The following GTF3C3 variants were observed in gnomAD, a reference collection of about 807,000 sequenced individuals.
GTF3C3 encodes general transcription factor IIIC subunit 3.
A neutral mutation model predicts 105.2 loss-of-function variants in GTF3C3; 75 were observed. That is an observed-to-expected ratio of 0.71 (90% CI 0.59 to 0.86). GTF3C3 has a LOEUF of 0.86. GTF3C3 is among the 40% of genes least tolerant of loss of function. The probability of loss-of-function intolerance (pLI) is 0.00; values close to 1 mark genes in which losing one functional copy is unlikely to be tolerated. For missense variants in GTF3C3, 856 were observed against 1,076.5 expected (o/e 0.80, Z 2.87); for synonymous variants, 335 against 370.4 (o/e 0.90, Z 1.10).
At chr2:196,767,957 G>C (rs1699096510) in intron 16 of GTF3C3, among the ~76,000 whole-genome samples, 1 of 152,096 alleles carries the variant, frequency 6.6e-6, no homozygotes, top group South Asian at 2.1e-4. Flanking sequence ...AGCCAATGTG[G>C]GTAGCCACTT....
At position 196,775,778 on chromosome 2, in the gene GTF3C3, C is replaced by T. The variant is rs80130832; in HGVS notation, c.1695+232G>A. Reference sequence around the variant, plus strand: ...TCCACAGGGCCAATATCTGATAGACCATGGTGCTCACTTTTCTAAATATGT... The same window carrying T: ...TCCACAGGGCCAATATCTGATAGACTATGGTGCTCACTTTTCTAAATATGT... On this transcript the variant is annotated intron_variant, in intron 12 of 17. Transcript: ENST00000263956. Among the ~76,000 whole-genome samples, 1,155 of 152,250 alleles carry T rather than the reference C, an allele frequency of 7.6e-3. 15 individuals are homozygous for T. Among genetic ancestry groups the T allele is most frequent in the African/African-American group, 0.026 (1,084 of 41,552 alleles).
At position 196,783,274 on chromosome 2, in the gene GTF3C3, AGGAGGGAG is replaced by A. The variant is rs982131063; in HGVS notation, c.1114+1575_1114+1582del. On this transcript the variant is annotated intron_variant, in intron 8 of 17. Coordinates refer to ENST00000263956, the MANE Select transcript of GTF3C3 (RefSeq NM_012086.5). The stretch of plus-strand genomic sequence containing the variant: ...TGCCAGGAAGGAAGGGAAGGAGGGA[AGGAGGGAG>A]GGAGGGAGGGAGGGAAGTAAAATAT... Among the ~76,000 whole-genome samples the A allele has an allele frequency of 1.1e-4, 14 of 126,770 alleles. No homozygotes were observed. The East Asian group carries it at 1.9e-3, about 17-fold the overall frequency. The allele number at this position is 126,770 out of a possible 152,430, so 83.2% of individuals were successfully genotyped here. A position where few individuals can be genotyped will look rare whatever the true frequency, so the allele number is the denominator to read the frequency against.
At chr2:196,798,716 G>T (rs1340887880) in intron 1 of GTF3C3, among the ~76,000 whole-genome samples, 1 of 151,812 alleles carries the variant, frequency 6.6e-6, no homozygotes, top group East Asian at 1.9e-4. Context: ...ACAAAAATTA[G>T]CCGGGCATGG....
chr2:196,789,736 C>A (rs1028064082), intron 5 of GTF3C3, 143 bp downstream of exon 5: 2 of 580,118 alleles, frequency 3.4e-6, no homozygotes, highest in African/African-American at 1.9e-5. Context: ...CAGAGGAACC[C>A]CAAATACTTA....
At chr2:196,767,548 A>G (rs1271776318) in intron 16 of GTF3C3, among the ~76,000 whole-genome samples, 3 of 152,224 alleles carry the variant, frequency 2.0e-5, no homozygotes, top group African/African-American at 7.2e-5. Context: ...ATTTTCCTTT[A>G]TAAATAGGTA....
intron 6 of GTF3C3, among the ~76,000 whole-genome samples, chr2:196,788,202 C>A (rs1161249524): frequency 1.3e-5 from 2 of 152,192 alleles, no homozygotes; most frequent in African/African-American, 4.8e-5. Context: ...TCCTATGTAA[C>A]CCACCCCTGG....
rs757155987 is a variant in GTF3C3 at position 196,799,588 on chromosome 2, G to A, written c.24C>T (p.Leu8=). 15 of 1,613,768 alleles carry A rather than the reference G, an allele frequency of 9.3e-6. No individual in the cohort carries two copies. The East Asian group carries it at 3.1e-4, about 34-fold the overall frequency. Reference sequence around the variant, plus strand: ...AGATTTTCCCTTCCAAGTAGTCGATGAGTTCCGGACTGAACCCTGACATGT... The same window carrying A: ...AGATTTTCCCTTCCAAGTAGTCGATAAGTTCCGGACTGAACCCTGACATGT... MSGFSPE[L]IDYLEGKISF... is the part of the protein sequence containing the mutation. The change falls in exon 1 of 18, where the codon CTC becomes CTT. Residue 8 remains leucine, a synonymous_variant. Coordinates refer to ENST00000263956, the MANE Select transcript of GTF3C3 (RefSeq NM_012086.5).
chr2:196,773,475 CTA>C (rs1289675063), intron 13 of GTF3C3, among the ~76,000 whole-genome samples: 2 of 152,176 alleles, frequency 1.3e-5, no homozygotes, highest in African/African-American at 4.8e-5. Context: ...AGTATACTTT[CTA>C]TGACTGTAAT....
intron 16 of GTF3C3, among the ~76,000 whole-genome samples, chr2:196,767,850 A>G (rs1035619216): frequency 6.6e-6 from 1 of 152,206 alleles, no homozygotes; most frequent in Non-Finnish European, 1.5e-5. Flanking sequence ...CCCCTAATAC[A>G]ATAATGGAAT....
chr2:196,763,612 T>TA lies in GTF3C3; in HGVS notation c.*950dup, dbSNP rs1699008259. ...AGTCCCAATTTTATTTCTTTGATCC[T>TA]AAGCCTCTACTTGTTTCCCTCCCAC... On this transcript the variant is annotated 3_prime_UTR_variant, in exon 18 of 18. Transcript: ENST00000263956. 1 of 152,236 alleles carries TA rather than the reference T, an allele frequency of 6.6e-6. No individual in the cohort carries two copies. Among genetic ancestry groups the TA allele is most frequent in the Admixed American group, 6.5e-5 (1 of 15,280 alleles). 9.4% of individuals were successfully genotyped at this position (152,236 alleles called of 1,614,324 possible).
chr2:196,777,737 T>C (rs547641851), intron 10 of GTF3C3: 1 of 152,216 alleles, frequency 6.6e-6, no homozygotes, highest in Non-Finnish European at 1.5e-5. Context: ...CAAATTTCTT[T>C]ATCATTTTTA....
At chr2:196,791,671 C>A in intron 3 of GTF3C3, 2 of 435,258 alleles carry the variant, frequency 4.6e-6, no homozygotes, top group South Asian at 6.0e-5. Context: ...CATGGTGACT[C>A]ATTCTTGTAA....
Position 196,789,886 on chromosome 2 carries a change from A to T in GTF3C3, c.720T>A (p.Tyr240Ter). 1.3e-6 allele frequency: 2 copies of T among 1,562,814 alleles called. No individual in the cohort carries two copies. The highest frequency in any genetic ancestry group is 2.1e-5 in the Admixed American group (1 of 47,346). Residue 240 changes from tyrosine (Y) to a stop codon, truncating the protein, a stop_gained, in exon 5 of 18, where the codon TAT (tyrosine) becomes TAA (stop). Transcript: ENST00000263956. LOFTEE classifies it high-confidence loss of function. ...QDNIKQAIFC[Y>*]TKALKYEPTN... The stretch of plus-strand genomic sequence containing the variant: ...AAAAAAAATTTTAATTACCTTTTGT[A>T]TAGCAAAAAATAGCCTGCTTAATAT...
In GTF3C3 at chr2:196,797,851, G is replaced by C. The variant is rs1699673216; in HGVS notation, c.160C>G (p.Pro54Ala). 6.2e-7 allele frequency: 1 copy of C among 1,612,522 alleles called. No homozygotes were observed. Among genetic ancestry groups the C allele is most frequent in the Non-Finnish European group, 8.5e-7 (1 of 1,178,692 alleles). ...GTAGAGTTAATTCCTGATGATGATG[G>C]AACTTCAGAGTCATCGGGATTTTCT... ...AEENPDDSEV[P>A]SSSGINSTKS... The change falls in exon 2 of 18, where the codon CCA (proline) becomes GCA (alanine). Residue 54 changes from proline to alanine, a missense_variant. Transcript: ENST00000263956.
At position 196,799,649 on chromosome 2, in the gene GTF3C3, A is replaced by T; in HGVS notation, c.-38T>A. 6.9e-7 allele frequency: 1 copy of T among 1,456,024 alleles called. No individual in the cohort carries two copies. Among genetic ancestry groups the T allele is most frequent in the Non-Finnish European group, 9.6e-7 (1 of 1,037,336 alleles). The allele number at this position is 1,456,024 out of a possible 1,614,324, so 90.2% of individuals were successfully genotyped here. ...TGTCTGTGCAACCCCAGGAACCGGGACAGAGAACCGGAAGAGCAGCGCCTT... is the reference window on the plus strand; with the variant it reads ...TGTCTGTGCAACCCCAGGAACCGGGTCAGAGAACCGGAAGAGCAGCGCCTT... On this transcript the variant is annotated 5_prime_UTR_variant, in exon 1 of 18. Coordinates refer to ENST00000263956, the MANE Select transcript of GTF3C3 (RefSeq NM_012086.5).
chr2:196,784,267 G>A (rs1236639758), intron 8 of GTF3C3, among the ~76,000 whole-genome samples: 1 of 152,064 alleles, frequency 6.6e-6, no homozygotes, highest in Non-Finnish European at 1.5e-5. Flanking sequence ...CAAGAGCCGG[G>A]TTATATACTC....
In GTF3C3 at chr2:196,766,651, C is replaced by T. The variant is rs779072582; in HGVS notation, c.2452G>A (p.Gly818Ser). 1 of 1,613,428 alleles carries T rather than the reference C, an allele frequency of 6.2e-7. No individual in the cohort carries two copies. Residue 818 changes from glycine to serine, a missense_variant, in exon 17 of 18, where the codon GGC (glycine) becomes AGC (serine). Gly to Ser is a moderately conservative substitution (Grantham distance 56). Transcript: ENST00000263956. ...GPCQESFYNL[G>S]RGLHQLGLIH... Reference sequence around the variant, plus strand: ...AGCCCCAACTGATGAAGGCCACGGCCCAAATTGTAGAATGATTCCTGGCAG... The same window carrying T: ...AGCCCCAACTGATGAAGGCCACGGCTCAAATTGTAGAATGATTCCTGGCAG...
At chr2:196,792,599 T>C (rs538111684) in intron 3 of GTF3C3, among the ~76,000 whole-genome samples, 91 of 152,318 alleles carry the variant, frequency 6.0e-4, no homozygotes, top group African/African-American at 2.1e-3. Context: ...TTGGTTTAAA[T>C]GAGCCACTTT....
At chr2:196,795,927 G>C (rs972006163) in intron 2 of GTF3C3, among the ~76,000 whole-genome samples, 1 of 152,140 alleles carries the variant, frequency 6.6e-6, no homozygotes, top group Non-Finnish European at 1.5e-5. Context: ...ATTTAGCAAG[G>C]TTGCTGAACA....
Sources: allele counts gnomAD v4.1 joint callset (sites outside exome capture counted in the v4.1 genomes callset), GRCh38; gene constraint gnomAD v4.1.1; transcripts MANE v1.5; gene names NCBI Gene and HGNC (gene_info 2026-07-23, HGNC 2026-07-21).